Variants in NFIA observed in about 807,000 individuals in gnomAD.
The protein encoded by NFIA is nuclear factor 1 A-type.
NFIA carries 8 observed loss-of-function variants against 62.8 expected under a neutral mutation model. The ratio of observed to expected loss-of-function variants is 0.13; its 90% CI spans 0.07 to 0.23. The LOEUF (loss-of-function observed/expected upper bound fraction) is 0.23, where lower values mean the gene tolerates loss of function less well. Ranked by LOEUF, NFIA falls within the 10% of genes least tolerant of loss-of-function variation. The pLI is 1.00. For missense variants in NFIA, 410 were observed against 642.1 expected (o/e 0.64, Z 3.91); for synonymous variants, 235 against 238.1 (o/e 0.99, Z 0.12).
At chr1:61,277,718 C>T in intron 3 of NFIA, 133 bp downstream of exon 3, 1 of 809,532 alleles carries the variant, frequency 1.2e-6, no homozygotes, top group Non-Finnish European at 2.0e-6. Context: ...CTCGGAAAAA[C>T]TCAAGTAGAT....
chr1:61,406,542 T>TTGGGGGGGGG lies in NFIA; in HGVS notation c.1255-20_1255-19insTGGGGGGGGG. 18 of 1,253,810 alleles carry TTGGGGGGGGG rather than the reference T, an allele frequency of 1.4e-5. No homozygotes were observed. Among genetic ancestry groups the TTGGGGGGGGG allele is most frequent in the East Asian group, 3.1e-5 (1 of 32,730 alleles). The allele number at this position is 1,253,810 out of a possible 1,614,324, so 77.7% of individuals were successfully genotyped here. ...TTCTTTTTCTTGTACGTGTGTTTTC[T>TTGGGGGGGGG]GCCCCCCCCCCCCCCACAGCCCAAT... On this transcript the variant is annotated intron_variant, in intron 8 of 10. Coordinates refer to ENST00000403491, the MANE Select transcript of NFIA (RefSeq NM_001134673.4).
intron 2 of NFIA, among the ~76,000 whole-genome samples, chr1:61,247,616 G>A (rs571268211): frequency 7.2e-5 from 11 of 152,328 alleles, no homozygotes; most frequent in African/African-American, 2.6e-4. Flanking sequence ...GTAGCATTAT[G>A]TGTGAGGGGA....
chr1:61,175,197 A>C (rs1251712771), intron 2 of NFIA, among the ~76,000 whole-genome samples: 1 of 152,044 alleles, frequency 6.6e-6, no homozygotes, highest in East Asian at 1.9e-4. Flanking sequence ...GCTGGAGTAC[A>C]GTGACATAAT....
At chr1:61,438,820 G>C (rs564952143) in intron 10 of NFIA, among the ~76,000 whole-genome samples, 1 of 152,236 alleles carries the variant, frequency 6.6e-6, no homozygotes, top group South Asian at 2.1e-4. Flanking sequence ...TATTTTGTCA[G>C]ATACACAGCT....
chr1:61,267,033 A>C lies in NFIA; in HGVS notation c.560-10487A>C, dbSNP rs543070311. Among the ~76,000 whole-genome samples, 327 of 152,326 alleles carry C rather than the reference A, an allele frequency of 2.1e-3. 1 individual carries two copies. Among genetic ancestry groups the C allele is most frequent in the African/African-American group, 7.4e-3 (309 of 41,576 alleles). ...TCAAAGCTAATATAAATAGCCAAGA[A>C]GGGACTCAAACCCAGGTTTTCTTTT... On this transcript the variant is annotated intron_variant, in intron 2 of 10. Transcript: ENST00000403491.
rs115124159 is a variant in NFIA, at chr1:61,419,458, A to G, written c.1421-7007A>G. Among the ~76,000 whole-genome samples the G allele has an allele frequency of 5.9e-3, 891 of 152,302 alleles. 8 individuals carry two copies. Among genetic ancestry groups the G allele is most frequent in the African/African-American group, 0.02 (838 of 41,562 alleles). ...GTCTCTAAAACAAAAGATTGGCTAC[A>G]GGAAACACTCACTGCACTCATTGTA... On this transcript the variant is annotated intron_variant, in intron 9 of 10. Transcript: ENST00000403491.
chr1:61,332,617 G>C (rs757182875), intron 4 of NFIA, 31 bp downstream of exon 4: 5 of 1,596,468 alleles, frequency 3.1e-6, no homozygotes, highest in Admixed American at 1.7e-5. Flanking sequence ...ATTTGGTACA[G>C]ATTTGCCTTG....
intron 2 of NFIA, among the ~76,000 whole-genome samples, chr1:61,126,437 A>AACACACAC (rs61077935): frequency 0.067 from 4,972 of 74,738 alleles, 223 homozygotes; most frequent in African/African-American, 0.16. Context: ...TTTGAAAATG[A>AACACACAC]ACACACACAC....
chr1:61,382,222 C>A (rs1045291070), intron 6 of NFIA, among the ~76,000 whole-genome samples: 1 of 152,002 alleles, frequency 6.6e-6, no homozygotes, highest in African/African-American at 2.4e-5. Context: ...CTGATAGATG[C>A]CTCCAGTTGG....
intron 3 of NFIA, among the ~76,000 whole-genome samples, chr1:61,318,080 A>G (rs1660465329): frequency 6.6e-6 from 1 of 152,202 alleles, no homozygotes; most frequent in African/African-American, 2.4e-5. Flanking sequence ...CCTTTACAAG[A>G]GAAAAGACAA....
chr1:61,461,908 T>TTA lies in NFIA; in HGVS notation c.*6591_*6592dup, dbSNP rs907381393. On this transcript the variant is annotated 3_prime_UTR_variant, in exon 11 of 11. Coordinates refer to ENST00000403491, the MANE Select transcript of NFIA (RefSeq NM_001134673.4). ...TATTGGGCCATTTTTCCTGCTGTTT[T>TTA]TATACTCAACTTCTCAAAATGAAAA... The TTA allele has an allele frequency of 5.3e-5, 8 of 152,142 alleles. No homozygotes were observed. The highest frequency in any genetic ancestry group is 1.9e-4 in the African/African-American group (8 of 41,408). The allele number at this position is 152,142 out of a possible 1,614,324, so 9.4% of individuals were successfully genotyped here.
intron 7 of NFIA, among the ~76,000 whole-genome samples, chr1:61,390,862 G>T (rs924538535): frequency 2.6e-5 from 4 of 152,160 alleles, no homozygotes; most frequent in African/African-American, 9.7e-5. Context: ...ATAAATAATT[G>T]TCAAATAAAT....
At chr1:61,171,558 G>A (rs1649967243) in intron 2 of NFIA, among the ~76,000 whole-genome samples, 2 of 152,132 alleles carry the variant, frequency 1.3e-5, no homozygotes, top group Non-Finnish European at 2.9e-5. Context: ...TTGAATATAG[G>A]ATTTGAGAAG....
chr1:61,180,215 C>G (rs1187097057), intron 2 of NFIA, among the ~76,000 whole-genome samples: 1 of 152,104 alleles, frequency 6.6e-6, no homozygotes, highest in African/African-American at 2.4e-5. Context: ...AACTCCGTCA[C>G]TCAAGAGGGA....
At chr1:61,344,251 G>C (rs1049455953) in intron 4 of NFIA, among the ~76,000 whole-genome samples, 1 of 152,140 alleles carries the variant, frequency 6.6e-6, no homozygotes, top group Admixed American at 6.6e-5. Flanking sequence ...ATAGAAAGAA[G>C]AACAAGTATT....
chr1:61,120,923 T>C (rs1045867816), intron 2 of NFIA, among the ~76,000 whole-genome samples: 16 of 152,228 alleles, frequency 1.1e-4, no homozygotes, highest in Admixed American at 3.3e-4. Context: ...TTTTATGATA[T>C]CTAATTAGTG....
Position 61,461,195 on chromosome 1 carries a change from G to C in NFIA, c.*5875G>C, listed in dbSNP as rs1569944904. The C allele has an allele frequency of 6.6e-6, 1 of 152,008 alleles. No homozygotes were observed. The highest frequency in any genetic ancestry group is 1.5e-5 in the Non-Finnish European group (1 of 68,012). 9.4% of individuals were successfully genotyped at this position (152,008 alleles called of 1,614,324 possible). On this transcript the variant is annotated 3_prime_UTR_variant, in exon 11 of 11. Coordinates refer to ENST00000403491, the MANE Select transcript of NFIA (RefSeq NM_001134673.4). ...TGACCCTTGACTGATGCTATGCGGAGACTGATACATTTTCTTAATGGACAA... is the reference window on the plus strand; with the variant it reads ...TGACCCTTGACTGATGCTATGCGGACACTGATACATTTTCTTAATGGACAA...
chr1:61,138,240 C>T (rs562011748), intron 2 of NFIA, among the ~76,000 whole-genome samples: 7 of 151,982 alleles, frequency 4.6e-5, no homozygotes, highest in Non-Finnish European at 8.8e-5. Flanking sequence ...GGACTACAGG[C>T]ACACGCCACC....
In NFIA at chr1:61,200,032, A is replaced by G. The variant is rs866630279; in HGVS notation, c.560-77488A>G. On this transcript the variant is annotated intron_variant, in intron 2 of 10. Transcript: ENST00000403491. The stretch of plus-strand genomic sequence containing the variant: ...TATGTATATATATATATATATATAT[A>G]TATATATATATATATATATATATAT... 1.6e-3 allele frequency among the ~76,000 whole-genome samples: 138 copies of G among 83,754 alleles called. 3 individuals are homozygous for G. Among genetic ancestry groups the G allele is most frequent in the African/African-American group, 6.5e-3 (118 of 18,116 alleles). 54.9% of individuals were successfully genotyped at this position (83,754 alleles called of 152,430 possible).
Sources: gnomAD v4.1 joint callset for allele counts (sites outside exome capture counted in the v4.1 genomes callset) on GRCh38, gnomAD v4.1.1 for gene constraint, MANE v1.5 for transcripts, NCBI Gene and HGNC (gene_info 2026-07-23, HGNC 2026-07-21) for gene names.